Variants in NCOA6 observed in about 807,000 individuals in gnomAD.
NCOA6 encodes nuclear receptor coactivator 6, also known as NRC RAP250.
NCOA6 carries 49 observed loss-of-function variants against 171.4 expected under a neutral mutation model. The observed-to-expected ratio is 0.29, with a 90% CI of 0.23 to 0.36. The LOEUF (loss-of-function observed/expected upper bound fraction) is 0.36, where lower values mean the gene tolerates loss of function less well. Among genes scored for constraint, NCOA6 ranks in the 10% least tolerant of loss-of-function variants. The pLI, the probability that NCOA6 is intolerant of heterozygous loss-of-function variation, is 1.00. For synonymous variants in NCOA6, 910 were observed against 927.5 expected, an observed-to-expected ratio of 0.98 and a Z score of 0.34; for missense variants, 2,248 against 2,554.5, an observed-to-expected ratio of 0.88 and a Z score of 2.59.
Position 34,736,564 on chromosome 20 carries a change from T to C in NCOA6, c.5962+126A>G, listed in dbSNP as rs2075965246. 7.9e-6 allele frequency: 6 copies of C among 759,490 alleles called. No individual in the cohort carries two copies. In the Admixed American group the frequency reaches 2.0e-4, roughly 25 times the overall value. The allele number at this position is 759,490 out of a possible 1,614,324, so 47.0% of individuals were successfully genotyped here. ...TTTGTCACTCAACCAAAGTCTGCTC[T>C]GAAGCAAACAGATAAAATAGTTCCT... On this transcript the variant is annotated intron_variant, in intron 12 of 14. Transcript: ENST00000359003.
chr20:34,797,905 T>TAA (rs368856753), intron 1 of NCOA6, among the ~76,000 whole-genome samples: 5 of 151,958 alleles, frequency 3.3e-5, no homozygotes, highest in South Asian at 2.1e-4. Context: ...CCAGAGACAC[T>TAA]AAGCTACAAG....
rs2076176480 is a variant in NCOA6, at chr20:34,742,519, G to A, written c.3737C>T (p.Ala1246Val). ...EISLSPERLN[A>V]SIAGLFPPQI... ...TGGAGGGAAGAGTCCTGCTATGGAG[G>A]CATTGAGTCTTTCTGGTGACAGACT... The change falls in exon 11 of 15, where the codon GCC (alanine) becomes GTC (valine). Residue 1246 changes from alanine (A) to valine (V), a missense_variant. Coordinates refer to ENST00000359003, the MANE Select transcript of NCOA6 (RefSeq NM_014071.5). 6.2e-7 allele frequency: 1 copy of A among 1,614,088 alleles called. No individual in the cohort carries two copies. The highest frequency in any genetic ancestry group is 1.3e-5 in the African/African-American group (1 of 74,930).
chr20:34,778,678 G>A (rs6119522), intron 3 of NCOA6, among the ~76,000 whole-genome samples: 51,419 of 151,548 alleles, frequency 0.34, 9,072 homozygotes, highest in Middle Eastern at 0.42. Context: ...CACCTGCCTC[G>A]GCCTCCCAAA....
intron 5 of NCOA6, among the ~76,000 whole-genome samples, chr20:34,762,456 T>G (rs1054205950): frequency 6.6e-6 from 1 of 152,166 alleles, no homozygotes; most frequent in African/African-American, 2.4e-5. Flanking sequence ...TTTTTGTCAT[T>G]TTATGATTTC....
intron 3 of NCOA6, among the ~76,000 whole-genome samples, chr20:34,777,379 C>T (rs1049879823): frequency 7.9e-5 from 12 of 152,220 alleles, no homozygotes; most frequent in Middle Eastern, 3.4e-3. Context: ...CTTTGGGAGG[C>T]TGAGGCTGGT....
At chr20:34,718,018 G>A (rs961083943) in intron 14 of NCOA6, among the ~76,000 whole-genome samples, 22 of 152,030 alleles carry the variant, frequency 1.4e-4, no homozygotes, top group Admixed American at 3.3e-4. Flanking sequence ...TCACTGCTCC[G>A]AAGCACCCAA....
Position 34,775,643 on chromosome 20 carries a change from C to T in NCOA6, c.391+650G>A, listed in dbSNP as rs1423016073. On this transcript the variant is annotated intron_variant, in intron 4 of 14. Transcript: ENST00000359003. ...GAGGTTGCAGTGAGCTGAGATCATG[C>T]CACTACACTCCATCCTGGGACTCTG... 3.7e-5 allele frequency among the ~76,000 whole-genome samples: 5 copies of T among 133,798 alleles called. No homozygotes were observed. The East Asian group carries it at 8.7e-4, about 23-fold the overall frequency. 87.8% of individuals were successfully genotyped at this position (133,798 alleles called of 152,430 possible). A position where few individuals can be genotyped will look rare whatever the true frequency, so the allele number is the denominator to read the frequency against.
intron 11 of NCOA6, among the ~76,000 whole-genome samples, chr20:34,737,873 T>C (rs1186600020): frequency 6.6e-6 from 1 of 152,236 alleles, no homozygotes; most frequent in African/African-American, 2.4e-5. Flanking sequence ...CTTCTACTTT[T>C]AACTTTAGTG....
chr20:34,765,741 A>G (rs953732341), intron 5 of NCOA6, among the ~76,000 whole-genome samples: 6 of 152,198 alleles, frequency 3.9e-5, no homozygotes, highest in African/African-American at 1.4e-4. Context: ...CACACAGGAC[A>G]GCCTCCCACA....
chr20:34,741,019 G>T lies in NCOA6; in HGVS notation c.5237C>A (p.Pro1746His). Residue 1746 changes from proline (P) to histidine (H), a missense_variant, in exon 11 of 15, where the codon CCT (proline) becomes CAT (histidine). Pro to His is a moderately conservative substitution (Grantham distance 77). Coordinates refer to ENST00000359003, the MANE Select transcript of NCOA6 (RefSeq NM_014071.5). Reference protein sequence around the residue: ...SRATPVQLPSPPCTSSPVVPS... With the variant: ...SRATPVQLPSHPCTSSPVVPS... ...GACAACTGGAGAAGACGTACAAGGA[G>T]GGGAAGGAAGCTGAACAGGGGTGGC... is the stretch of plus-strand genomic sequence containing the variant. 1 of 1,614,238 alleles carries T rather than the reference G, an allele frequency of 6.2e-7. No individual in the cohort carries two copies. Among genetic ancestry groups the T allele is most frequent in the Non-Finnish European group, 8.5e-7 (1 of 1,180,036 alleles).
intron 5 of NCOA6, among the ~76,000 whole-genome samples, chr20:34,761,426 T>G (rs1251448010): frequency 6.6e-6 from 1 of 152,150 alleles, no homozygotes; most frequent in African/African-American, 2.4e-5. Context: ...CACTAAGTAT[T>G]TATAATGCAT....
Position 34,742,250 on chromosome 20 carries a change from A to T in NCOA6, c.4006T>A (p.Ser1336Thr). 5 of 1,614,106 alleles carry T rather than the reference A, an allele frequency of 3.1e-6. No individual in the cohort carries two copies. Among genetic ancestry groups the T allele is most frequent in the Non-Finnish European group, 4.2e-6 (5 of 1,180,014 alleles). ...PSNSRRSSPG[S>T]SRKTTPSPGR... Reference sequence around the variant, plus strand: ...GGGCTTGGAGTGGTTTTCCTACTGGACCCAGGACTAGACCTGCGACTGTTG... The same window carrying T: ...GGGCTTGGAGTGGTTTTCCTACTGGTCCCAGGACTAGACCTGCGACTGTTG... Residue 1336 changes from serine to threonine, a missense_variant, in exon 11 of 15, where the codon TCC becomes ACC. Ser to Thr is a moderately conservative substitution (Grantham distance 58). This residue lies in a region of NCOA6 where 884 missense variants were observed against 941.9 expected (regional missense o/e 0.94). Transcript: ENST00000359003.
At chr20:34,793,453 T>C (rs889200555) in intron 1 of NCOA6, among the ~76,000 whole-genome samples, 1 of 152,150 alleles carries the variant, frequency 6.6e-6, no homozygotes, top group African/African-American at 2.4e-5. Flanking sequence ...AAATATTTAC[T>C]GTAGATATAA....
At chr20:34,750,835 A>C (rs921356355) in intron 8 of NCOA6, among the ~76,000 whole-genome samples, 1 of 152,192 alleles carries the variant, frequency 6.6e-6, no homozygotes, top group Non-Finnish European at 1.5e-5. Flanking sequence ...TGAGAAAGGC[A>C]GCATCTCACT....
chr20:34,812,560 A>G (rs779697691), intron 1 of NCOA6, among the ~76,000 whole-genome samples: 66 of 152,166 alleles, frequency 4.3e-4, no homozygotes, highest in Non-Finnish European at 7.5e-4. Flanking sequence ...TTCCAAAACC[A>G]CTCATCCCAA....
At chr20:34,726,147 A>C (rs1248687511) in intron 14 of NCOA6, among the ~76,000 whole-genome samples, 1 of 152,116 alleles carries the variant, frequency 6.6e-6, no homozygotes, top group Non-Finnish European at 1.5e-5. Flanking sequence ...TAAAAAGGAG[A>C]TAGTAGTCAA....
chr20:34,757,144 A>G, intron 7 of NCOA6, 76 bp downstream of exon 7: 1 of 1,411,806 alleles, frequency 7.1e-7, no homozygotes, highest in Non-Finnish European at 9.5e-7. Context: ...TCCCTCCATT[A>G]ACTCTAAAAA....
intron 2 of NCOA6, among the ~76,000 whole-genome samples, chr20:34,784,689 G>A (rs2077615841): frequency 6.6e-6 from 1 of 152,160 alleles, no homozygotes; most frequent in Admixed American, 6.5e-5. Flanking sequence ...GCTGAGGCGG[G>A]AGGATCCCTC....
rs559084962 is a variant in NCOA6 at position 34,778,521 on chromosome 20, G to A, written c.236-2073C>T. ...TGGCTCGCTGCAACCTCTGCCTCCCGGCTTCAAGCAATTCTCCTGCCTCAG... is the reference window on the plus strand; with the variant it reads ...TGGCTCGCTGCAACCTCTGCCTCCCAGCTTCAAGCAATTCTCCTGCCTCAG... On this transcript the variant is annotated intron_variant, in intron 3 of 14. Coordinates refer to ENST00000359003, the MANE Select transcript of NCOA6 (RefSeq NM_014071.5). Among the ~76,000 whole-genome samples, 86 of 149,486 alleles carry A rather than the reference G, an allele frequency of 5.8e-4. 1 individual carries two copies. The highest frequency in any genetic ancestry group is 1.7e-3 in the African/African-American group (68 of 40,774).
Sources: gnomAD v4.1 joint callset for allele counts (sites outside exome capture counted in the v4.1 genomes callset) on GRCh38, gnomAD v4.1.1 for gene constraint, gnomAD v4.1.1 regional missense constraint, MANE v1.5 for transcripts, NCBI Gene and HGNC (gene_info 2026-07-23, HGNC 2026-07-21) for gene names.